SV2B: variants seen among roughly 807,000 people sequenced by gnomAD.
SV2B encodes solute carrier family 22 member B2.
Under a neutral mutation model 73.9 loss-of-function variants are expected in SV2B, and 41 were observed. The ratio of observed to expected loss-of-function variants is 0.56; its 90% CI spans 0.43 to 0.72. SV2B has a LOEUF of 0.72. SV2B is among the 30% of genes least tolerant of loss of function. SV2B has a pLI of 0.00. For missense variants in SV2B, 764 were observed against 857.8 expected, an observed-to-expected ratio of 0.89 and a Z score of 1.37; for synonymous variants, 314 against 314.2, an observed-to-expected ratio of 1.00 and a Z score of 0.01.
chr15:91,209,480 C>A (rs149450866), intron 1 of SV2B, among the ~76,000 whole-genome samples: 4 of 152,308 alleles, frequency 2.6e-5, no homozygotes, highest in South Asian at 2.1e-4. Context: ...TATTTGGAAT[C>A]TTTCCTTGCC....
intron 1 of SV2B, among the ~76,000 whole-genome samples, chr15:91,178,480 C>G (rs1440603897): frequency 6.6e-6 from 1 of 152,072 alleles, no homozygotes; most frequent in Non-Finnish European, 1.5e-5. Context: ...CCAGTTCCTC[C>G]TTGCACCTCT....
chr15:91,131,460 T>C (rs910525000), intron 1 of SV2B, among the ~76,000 whole-genome samples: 4 of 152,002 alleles, frequency 2.6e-5, no homozygotes, highest in Non-Finnish European at 4.4e-5. Flanking sequence ...TATGTGTATA[T>C]GTATATATTT....
intron 1 of SV2B, among the ~76,000 whole-genome samples, chr15:91,111,176 C>T (rs145525725): frequency 6.6e-6 from 1 of 152,306 alleles, no homozygotes; most frequent in African/African-American, 2.4e-5. Context: ...CTACAGAGGG[C>T]TGTCAGAGGC....
intron 1 of SV2B, among the ~76,000 whole-genome samples, chr15:91,216,836 A>G (rs1567353650): frequency 6.7e-6 from 1 of 149,748 alleles, no homozygotes; most frequent in South Asian, 2.1e-4. Context: ...AGGCAGGGAC[A>G]TTCTGTCTCA....
chr15:91,138,042 T>C (rs189748225), intron 1 of SV2B, among the ~76,000 whole-genome samples: 17 of 152,186 alleles, frequency 1.1e-4, no homozygotes, highest in Admixed American at 3.3e-4. Flanking sequence ...TGCCAATGAG[T>C]GTTAACATCA....
At chr15:91,256,303 A>G (rs2047688308) in intron 4 of SV2B, among the ~76,000 whole-genome samples, 1 of 152,216 alleles carries the variant, frequency 6.6e-6, no homozygotes, top group African/African-American at 2.4e-5. Context: ...AGATGTGCCT[A>G]ATGAATGCGA....
intron 6 of SV2B, among the ~76,000 whole-genome samples, chr15:91,260,801 A>G (rs963768691): frequency 3.3e-5 from 5 of 152,222 alleles, no homozygotes; most frequent in South Asian, 2.1e-4. Flanking sequence ...CACTTCTTAC[A>G]TGGTGGTGGC....
chr15:91,108,597 G>A (rs1045246967), intron 1 of SV2B, among the ~76,000 whole-genome samples: 7 of 152,096 alleles, frequency 4.6e-5, no homozygotes, highest in Admixed American at 6.6e-5. Context: ...TGCTCCTCCC[G>A]GCCTGGGCAA....
At chr15:91,120,282 G>T (rs1416578996) in intron 1 of SV2B, among the ~76,000 whole-genome samples, 1 of 152,110 alleles carries the variant, frequency 6.6e-6, no homozygotes. Context: ...TTCTTCCCAT[G>T]GTGGCAGGAG....
chr15:91,188,063 TA>T (rs1427870308), intron 1 of SV2B, among the ~76,000 whole-genome samples: 1 of 152,086 alleles, frequency 6.6e-6, no homozygotes, highest in Non-Finnish European at 1.5e-5. Flanking sequence ...ATTTTTCATT[TA>T]ATTATTTTTC....
At chr15:91,251,788 C>G in intron 2 of SV2B, 31 bp from the exon 3 acceptor site, 2 of 1,603,734 alleles carry the variant, frequency 1.2e-6, no homozygotes, top group Non-Finnish European at 1.7e-6. Flanking sequence ...TCTTTTCTCT[C>G]TATTCTCTCC....
At chr15:91,247,646 T>C (rs2047291352) in intron 2 of SV2B, among the ~76,000 whole-genome samples, 1 of 152,188 alleles carries the variant, frequency 6.6e-6, no homozygotes, top group Non-Finnish European at 1.5e-5. Flanking sequence ...AAGTGCAATG[T>C]GGCCTCTGCT....
intron 1 of SV2B, among the ~76,000 whole-genome samples, chr15:91,160,788 A>T (rs956886225): frequency 1.3e-5 from 2 of 152,212 alleles, no homozygotes; most frequent in African/African-American, 4.8e-5. Flanking sequence ...TTCATTAAAT[A>T]GTGATGAAAG....
At chr15:91,168,754 T>A (rs2044010903) in intron 1 of SV2B, among the ~76,000 whole-genome samples, 1 of 152,254 alleles carries the variant, frequency 6.6e-6, no homozygotes, top group Non-Finnish European at 1.5e-5. Context: ...ACTTATTTTT[T>A]AGAATCCTCT....
intron 12 of SV2B, among the ~76,000 whole-genome samples, chr15:91,291,936 G>T (rs1044858112): frequency 6.6e-6 from 1 of 152,178 alleles, no homozygotes; most frequent in Non-Finnish European, 1.5e-5. Flanking sequence ...TACATTTGGG[G>T]AAATGCTGTT....
rs185314695 is a variant in SV2B at position 91,275,310 on chromosome 15, C to T, written c.1374-6418C>T. 1.4e-4 allele frequency among the ~76,000 whole-genome samples: 22 copies of T among 152,186 alleles called. No individual in the cohort carries two copies. The East Asian group carries it at 1.9e-3, about 13-fold the overall frequency. On this transcript the variant is annotated intron_variant, in intron 9 of 12. Transcript: ENST00000394232. ...TGTAAAAAATTTAGTGGTGTCTTAGCGCTTACAATATACATCTTTAATTAA... is the reference window on the plus strand; with the variant it reads ...TGTAAAAAATTTAGTGGTGTCTTAGTGCTTACAATATACATCTTTAATTAA...
At chr15:91,148,165 G>A (rs2043203168) in intron 1 of SV2B, among the ~76,000 whole-genome samples, 1 of 151,540 alleles carries the variant, frequency 6.6e-6, no homozygotes, top group Non-Finnish European at 1.5e-5. Flanking sequence ...ATTTTTAGTA[G>A]AGACGGGGTT....
intron 1 of SV2B, among the ~76,000 whole-genome samples, chr15:91,166,832 G>A (rs1253250871): frequency 1.9e-5 from 2 of 107,374 alleles, no homozygotes; most frequent in Non-Finnish European, 3.8e-5. Flanking sequence ...TTTTTTTTTT[G>A]AGATGGAGTC....
chr15:91,287,752 G>A lies in SV2B; in HGVS notation c.1709-1769G>A, dbSNP rs544847251. Among the ~76,000 whole-genome samples, 5 of 152,304 alleles carry A rather than the reference G, an allele frequency of 3.3e-5. No individual in the cohort carries two copies. In the South Asian group the frequency reaches 6.2e-4, roughly 19 times the overall value. On this transcript the variant is annotated intron_variant, in intron 11 of 12. Transcript: ENST00000394232. Reference sequence around the variant, plus strand: ...GATTCACCCCAGATAGTTCTAGTGAGGAAACTTTACTCATAGAGCTTTTAG... The same window carrying A: ...GATTCACCCCAGATAGTTCTAGTGAAGAAACTTTACTCATAGAGCTTTTAG...
Sources: allele counts gnomAD v4.1 joint callset (sites outside exome capture counted in the v4.1 genomes callset), GRCh38; gene constraint gnomAD v4.1.1; transcripts MANE v1.5; gene names NCBI Gene and HGNC (gene_info 2026-07-23, HGNC 2026-07-21).